The following GBE1 variants were observed in gnomAD, a reference collection of about 807,000 sequenced individuals.
GBE1 encodes the protein 1,4-alpha-glucan-branching enzyme.
Under a neutral mutation model 88.8 loss-of-function variants are expected in GBE1, and 70 were observed. The ratio of observed to expected loss-of-function variants is 0.79; its 90% CI spans 0.65 to 0.96. The LOEUF is 0.96. Ranked by LOEUF, GBE1 falls within the 40% of genes least tolerant of loss-of-function variation. The probability of loss-of-function intolerance (pLI) is 0.00; values close to 1 mark genes in which losing one functional copy is unlikely to be tolerated. For synonymous variants in GBE1, 284 were observed against 300.1 expected (o/e 0.95, Z 0.56); for missense variants, 872 against 871.0 (o/e 1.00, Z -0.01).
intron 7 of GBE1, among the ~76,000 whole-genome samples, chr3:81,614,449 A>G (rs1704222010): frequency 6.6e-6 from 1 of 152,206 alleles, no homozygotes. Flanking sequence ...TTAAGAATCT[A>G]TTTGAGGCCA....
chr3:81,587,306 CA>C, intron 9 of GBE1, among the ~76,000 whole-genome samples: 1 of 152,252 alleles, frequency 6.6e-6, no homozygotes. Flanking sequence ...TAAGTATTAT[CA>C]ATTCTAATTC....
At chr3:81,746,809 C>T (rs1706426019) in intron 1 of GBE1, among the ~76,000 whole-genome samples, 1 of 152,096 alleles carries the variant, frequency 6.6e-6, no homozygotes, top group Non-Finnish European at 1.5e-5. Context: ...AAATTTTTGC[C>T]TGGCTTCCTA....
intron 2 of GBE1, among the ~76,000 whole-genome samples, chr3:81,671,666 G>A (rs565579867): frequency 1.3e-5 from 2 of 152,178 alleles, no homozygotes; most frequent in South Asian, 4.1e-4. Context: ...CAAATCATTT[G>A]AACATGGATT....
chr3:81,519,874 A>C (rs1245196141), intron 14 of GBE1, among the ~76,000 whole-genome samples: 1 of 151,486 alleles, frequency 6.6e-6, no homozygotes, highest in Non-Finnish European at 1.5e-5. Flanking sequence ...CCTGGGCCAC[A>C]AGTCTGTATG....
chr3:81,654,913 G>C (rs1252810645), intron 3 of GBE1: 2 of 151,748 alleles, frequency 1.3e-5, no homozygotes, highest in Non-Finnish European at 2.9e-5. Flanking sequence ...TATATTTTTT[G>C]TTTCTACCAA....
chr3:81,665,613 A>G (rs1272655177), intron 3 of GBE1, among the ~76,000 whole-genome samples: 1 of 151,916 alleles, frequency 6.6e-6, no homozygotes. Context: ...TTTTCTTTCT[A>G]CATTACATAT....
intron 13 of GBE1, 64 bp downstream of exon 13, chr3:81,536,847 G>C (rs920326995): frequency 4.1e-6 from 5 of 1,221,532 alleles, no homozygotes; most frequent in Non-Finnish European, 5.7e-6. Context: ...ATTTAAATTG[G>C]TTGCCATTCT....
chr3:81,524,164 C>T (rs1008814491), intron 14 of GBE1, among the ~76,000 whole-genome samples: 5 of 151,752 alleles, frequency 3.3e-5, no homozygotes, highest in African/African-American at 7.2e-5. Flanking sequence ...AGGATCGTTA[C>T]TGCCTGTCTT....
intron 1 of GBE1, among the ~76,000 whole-genome samples, chr3:81,706,994 T>C (rs1366785948): frequency 6.6e-6 from 1 of 150,880 alleles, no homozygotes; most frequent in Non-Finnish European, 1.5e-5. Context: ...ATACCCAACA[T>C]AGACAAAAAA....
At chr3:81,684,752 AT>A (rs930200716) in intron 2 of GBE1, among the ~76,000 whole-genome samples, 3 of 151,826 alleles carry the variant, frequency 2.0e-5, no homozygotes, top group Non-Finnish European at 4.4e-5. Context: ...TCTCTATGGA[AT>A]TTTTTTTTCA....
chr3:81,660,106 T>C (rs1705002778), intron 3 of GBE1, among the ~76,000 whole-genome samples: 1 of 152,214 alleles, frequency 6.6e-6, no homozygotes, highest in African/African-American at 2.4e-5. Context: ...TAGTTTGTAT[T>C]ATGGGAAAGA....
chr3:81,648,471 G>A (rs1157650321), intron 5 of GBE1, among the ~76,000 whole-genome samples: 4 of 151,824 alleles, frequency 2.6e-5, no homozygotes, highest in Non-Finnish European at 4.4e-5. Context: ...AATGAGTTCC[G>A]GTCACATTAC....
intron 7 of GBE1, among the ~76,000 whole-genome samples, chr3:81,610,183 T>C (rs1229378083): frequency 2.0e-5 from 3 of 152,204 alleles, no homozygotes; most frequent in Non-Finnish European, 2.9e-5. Context: ...TTTTGAGTTT[T>C]ACCCTAGAGC....
At chr3:81,698,076 A>G (rs931781752) in intron 2 of GBE1, among the ~76,000 whole-genome samples, 3 of 148,082 alleles carry the variant, frequency 2.0e-5, no homozygotes, top group Admixed American at 1.4e-4. Context: ...GTATATATAT[A>G]TATATATCTT....
chr3:81,717,819 T>C (rs1176379284), intron 1 of GBE1, among the ~76,000 whole-genome samples: 3 of 152,156 alleles, frequency 2.0e-5, no homozygotes, highest in African/African-American at 7.2e-5. Context: ...ACAAAGGTTA[T>C]TTTGCACATT....
intron 2 of GBE1, among the ~76,000 whole-genome samples, chr3:81,672,158 T>C (rs561600831): frequency 3.3e-5 from 5 of 152,120 alleles, no homozygotes; most frequent in Non-Finnish European, 7.4e-5. Flanking sequence ...TCAGCAACGA[T>C]ATAAAACATT....
intron 3 of GBE1, among the ~76,000 whole-genome samples, chr3:81,667,784 C>G: frequency 6.6e-6 from 1 of 152,060 alleles, no homozygotes; most frequent in East Asian, 1.9e-4. Flanking sequence ...CCTTGCATCC[C>G]GGGGATGAAA....
At chr3:81,705,206 A>G (rs1311021948) in intron 2 of GBE1, among the ~76,000 whole-genome samples, 1 of 152,094 alleles carries the variant, frequency 6.6e-6, no homozygotes, top group African/African-American at 2.4e-5. Flanking sequence ...AAACCTTGTT[A>G]TTTCTAGTAC....
At chr3:81,667,948 T>C (rs1352534427) in intron 3 of GBE1, among the ~76,000 whole-genome samples, 2 of 152,184 alleles carry the variant, frequency 1.3e-5, no homozygotes, top group African/African-American at 2.4e-5. Flanking sequence ...CTATTTACAA[T>C]GGCAAAGACA....
Sources: gnomAD v4.1 joint callset for allele counts (sites outside exome capture counted in the v4.1 genomes callset) on GRCh38, gnomAD v4.1.1 for gene constraint, MANE v1.5 for transcripts, NCBI Gene and HGNC (gene_info 2026-07-23, HGNC 2026-07-21) for gene names.